Variants in PCDH9 observed in about 807,000 individuals in gnomAD.
PCDH9 encodes protocadherin 9, also known as protocadherin-9.
Under a neutral mutation model 70.6 loss-of-function variants are expected in PCDH9, and 24 were observed. That is an observed-to-expected ratio of 0.34 (90% CI 0.25 to 0.48). PCDH9 has a LOEUF of 0.48. Among genes scored for constraint, PCDH9 ranks in the 20% least tolerant of loss-of-function variants. The pLI, the probability that PCDH9 is intolerant of heterozygous loss-of-function variation, is 0.99. For synonymous variants in PCDH9, 562 were observed against 558.5 expected, an observed-to-expected ratio of 1.01 and a Z score of -0.09; for missense variants, 1,281 against 1,503.6, an observed-to-expected ratio of 0.85 and a Z score of 2.45.
intron 2 of PCDH9, among the ~76,000 whole-genome samples, chr13:67,024,601 C>T (rs1363466141): frequency 1.3e-5 from 2 of 151,854 alleles, no homozygotes; most frequent in Non-Finnish European, 2.9e-5. Flanking sequence ...CTATTTCCAT[C>T]CCTTCTGAAC....
chr13:66,997,505 C>CTGTTTTGTTT (rs58349093), intron 2 of PCDH9, among the ~76,000 whole-genome samples: 41,393 of 144,222 alleles, frequency 0.29, 6,664 homozygotes, highest in Admixed American at 0.4. Context: ...CACTGGAGGT[C>CTGTTTTGTTT]TGTTTTGTTT....
intron 3 of PCDH9, among the ~76,000 whole-genome samples, chr13:66,654,839 G>C (rs2077905906): frequency 6.6e-6 from 1 of 151,840 alleles, no homozygotes; most frequent in Admixed American, 6.6e-5. Context: ...TTCCCAAGTA[G>C]TTGGGACTAC....
chr13:66,939,553 C>T (rs1343596893), intron 2 of PCDH9, among the ~76,000 whole-genome samples: 1 of 151,836 alleles, frequency 6.6e-6, no homozygotes, highest in Non-Finnish European at 1.5e-5. Context: ...TCTCCTGCCT[C>T]AGTCTCCCGA....
At position 67,226,753 on chromosome 13, in the gene PCDH9, A is replaced by T. The variant is rs773857322; in HGVS notation, c.1688T>A (p.Leu563Gln). The change falls in exon 2 of 5, where the codon CTG becomes CAG. Residue 563 changes from leucine to glutamine, a missense_variant. Transcript: ENST00000377865. The surrounding 1 kb of genome is among the most constrained non-coding windows in gnomAD (Gnocchi z 5.0). The stretch of plus-strand genomic sequence containing the variant: ...CTTGGGGCTATTGTCATTCTCATCC[A>T]GAACAGTAACAATCACAGCCGCTTG... ...QSQAAVIVTV[L>Q]DENDNSPKFT... is the part of the protein sequence containing the mutation. 1.2e-6 allele frequency: 2 copies of T among 1,614,164 alleles called. No homozygotes were observed. The highest frequency in any genetic ancestry group is 1.7e-6 in the Non-Finnish European group (2 of 1,180,014).
chr13:66,673,608 C>T (rs1270066016), intron 3 of PCDH9, among the ~76,000 whole-genome samples: 1 of 152,118 alleles, frequency 6.6e-6, no homozygotes. Context: ...ACTTCAAAGA[C>T]CTCAGAAGGC....
intron 4 of PCDH9, among the ~76,000 whole-genome samples, chr13:66,366,639 A>T (rs1956558902): frequency 6.6e-6 from 1 of 151,992 alleles, no homozygotes; most frequent in Non-Finnish European, 1.5e-5. Flanking sequence ...TCCCTCTAAG[A>T]TAGAGGGAAG....
intron 2 of PCDH9, among the ~76,000 whole-genome samples, chr13:66,942,938 T>C (rs989214085): frequency 1.3e-5 from 2 of 152,116 alleles, no homozygotes; most frequent in Non-Finnish European, 2.9e-5. Flanking sequence ...ATGGTGCTTG[T>C]AATCTCACAG....
At chr13:66,933,392 A>G (rs1403981796) in intron 2 of PCDH9, among the ~76,000 whole-genome samples, 1 of 152,296 alleles carries the variant, frequency 6.6e-6, no homozygotes, top group East Asian at 1.9e-4. Flanking sequence ...ACTCAATAGG[A>G]AAGATTAAGA....
At chr13:66,364,626 C>G (rs568967515) in intron 4 of PCDH9, among the ~76,000 whole-genome samples, 1 of 152,160 alleles carries the variant, frequency 6.6e-6, no homozygotes, top group African/African-American at 2.4e-5. Context: ...AATTTTCTGA[C>G]AGCTAGAAAT....
At chr13:66,370,584 C>T (rs181499045) in intron 4 of PCDH9, among the ~76,000 whole-genome samples, 36 of 149,588 alleles carry the variant, frequency 2.4e-4, no homozygotes, top group African/African-American at 8.4e-4. Flanking sequence ...GATCATGTCT[C>T]GCTCTATCCT....
chr13:66,457,479 G>T (rs929626073), intron 4 of PCDH9, among the ~76,000 whole-genome samples: 1 of 151,882 alleles, frequency 6.6e-6, no homozygotes, highest in Non-Finnish European at 1.5e-5. Context: ...CAAATAGAAA[G>T]GTTGTTCATC....
chr13:66,752,493 C>T (rs2079476296), intron 3 of PCDH9, among the ~76,000 whole-genome samples: 1 of 152,088 alleles, frequency 6.6e-6, no homozygotes, highest in African/African-American at 2.4e-5. Flanking sequence ...GACAGGGTTT[C>T]ACCATGTTGC....
intron 3 of PCDH9, among the ~76,000 whole-genome samples, chr13:66,702,743 T>C (rs1703384295): frequency 6.6e-6 from 1 of 152,176 alleles, no homozygotes; most frequent in African/African-American, 2.4e-5. Flanking sequence ...TCACTAAAGC[T>C]AGAAAAATAT....
intron 4 of PCDH9, among the ~76,000 whole-genome samples, chr13:66,381,200 C>A (rs1358722109): frequency 6.6e-6 from 1 of 152,162 alleles, no homozygotes; most frequent in East Asian, 1.9e-4. Context: ...ATCAGGGCTT[C>A]AACTTTCTTT....
chr13:67,184,289 T>A (rs1056921910), intron 2 of PCDH9, among the ~76,000 whole-genome samples: 1 of 152,026 alleles, frequency 6.6e-6, no homozygotes, highest in Admixed American at 6.6e-5. Flanking sequence ...AAGGTGAAGG[T>A]TATAATGAAA....
At chr13:66,540,177 G>C (rs894489318) in intron 4 of PCDH9, among the ~76,000 whole-genome samples, 2 of 151,896 alleles carry the variant, frequency 1.3e-5, no homozygotes, top group African/African-American at 4.8e-5. Flanking sequence ...TCCTGGCAAA[G>C]TTTAGAATAT....
intron 3 of PCDH9, among the ~76,000 whole-genome samples, chr13:66,636,308 T>C (rs1216428982): frequency 6.6e-6 from 1 of 152,154 alleles, no homozygotes; most frequent in African/African-American, 2.4e-5. Flanking sequence ...AAACATTTGA[T>C]ATATGGTATA....
In PCDH9 at chr13:67,230,263, T is replaced by C. The variant is rs1161525162; in HGVS notation, c.-619A>G. The C allele has an allele frequency of 6.6e-6, 1 of 152,426 alleles. No individual in the cohort carries two copies. The highest frequency in any genetic ancestry group is 6.5e-5 in the Admixed American group (1 of 15,286). The allele number at this position is 152,426 out of a possible 1,614,324, so 9.4% of individuals were successfully genotyped here. A position where few individuals can be genotyped will look rare whatever the true frequency, so the allele number is the denominator to read the frequency against. ...GCTTCAGAGACTCTGAGGCGCTCCT[T>C]TCCGTCTCGCGTGCTCTCCCTCTCT... On this transcript the variant is annotated 5_prime_UTR_variant, in exon 1 of 5. Transcript: ENST00000377865.
intron 4 of PCDH9, among the ~76,000 whole-genome samples, chr13:66,583,006 C>T (rs977053435): frequency 6.6e-6 from 1 of 151,846 alleles, no homozygotes; most frequent in African/African-American, 2.4e-5. Flanking sequence ...CCCTCTACCA[C>T]GTTTAGTAGT....
Sources: allele counts gnomAD v4.1 joint callset (sites outside exome capture counted in the v4.1 genomes callset), GRCh38; gene constraint gnomAD v4.1.1; non-coding constraint Gnocchi (gnomAD v3.1); transcripts MANE v1.5; gene names NCBI Gene and HGNC (gene_info 2026-07-23, HGNC 2026-07-21).